MYO1H: variants seen among roughly 807,000 people sequenced by gnomAD.
MYO1H encodes the protein unconventional myosin-Ih.
A neutral mutation model predicts 149.3 loss-of-function variants in MYO1H; 118 were observed. That is an observed-to-expected ratio of 0.79 (90% CI 0.68 to 0.92). The LOEUF (loss-of-function observed/expected upper bound fraction) is 0.92. Ranked by LOEUF, MYO1H falls within the 40% of genes least tolerant of loss-of-function variation. MYO1H has a pLI of 0.00. For synonymous variants in MYO1H, 447 were observed against 465.2 expected (o/e 0.96, Z 0.50); for missense variants, 1,212 against 1,280.7 (o/e 0.95, Z 0.82).
chr12:109,315,915 C>T, the MYO1H span, among the ~76,000 whole-genome samples: 1 of 152,174 alleles, frequency 6.6e-6, no homozygotes, highest in Non-Finnish European at 1.5e-5. Flanking sequence ...CAACGAGGTG[C>T]TAAGTTCTAT....
chr12:109,319,350 A>G, the MYO1H span, among the ~76,000 whole-genome samples: 1 of 152,208 alleles, frequency 6.6e-6, no homozygotes, highest in East Asian at 1.9e-4. Context: ...GCATTATTCT[A>G]CTTATATGAG....
At chr12:109,378,632 A>G (rs924079736) in intron 1 of MYO1H, among the ~76,000 whole-genome samples, 1 of 152,168 alleles carries the variant, frequency 6.6e-6, no homozygotes, top group Non-Finnish European at 1.5e-5. Context: ...ACCATTTTAT[A>G]TTCCCACCAA....
At chr12:109,431,996 T>A (rs1232941488) in intron 19 of MYO1H, among the ~76,000 whole-genome samples, 14 of 68,172 alleles carry the variant, frequency 2.1e-4, no homozygotes, top group Middle Eastern at 0.013. Context: ...AAAAAAATTT[T>A]TTTTTTTTTT....
At position 109,406,786 on chromosome 12, in the gene MYO1H, C is replaced by T. The variant is rs1290059731; in HGVS notation, c.964-3C>T. 2 of 1,613,792 alleles carry T rather than the reference C, an allele frequency of 1.2e-6. No homozygotes were observed. Among genetic ancestry groups the T allele is most frequent in the Non-Finnish European group, 1.7e-6 (2 of 1,179,694 alleles). On this transcript the variant is annotated splice_region_variant and splice_polypyrimidine_tract_variant and intron_variant, in intron 8 of 31. Transcript: ENST00000310903. ...TAGCATTCTGGATTTCTTTTACATG[C>T]AGCTCCTGGGGGTCCACCCATCAGT... is the stretch of plus-strand genomic sequence containing the variant.
exon 17 of MYO1H, chr12:109,424,813 G>A (rs763814306): frequency 1.1e-5 from 18 of 1,613,706 alleles, no homozygotes; most frequent in Admixed American, 1.7e-5. Flanking sequence ...TAGAAAACCG[G>A]AGGAGGCCCC....
At position 109,411,780 on chromosome 12, in the gene MYO1H, A is replaced by G. The variant is rs1246689278; in HGVS notation, c.1411-114A>G. 5 of 682,922 alleles carry G rather than the reference A, an allele frequency of 7.3e-6. No homozygotes were observed. In the East Asian group the frequency reaches 9.2e-5, roughly 13 times the overall value. 42.3% of individuals were successfully genotyped at this position (682,922 alleles called of 1,614,324 possible). A position where few individuals can be genotyped will look rare whatever the true frequency, so the allele number is the denominator to read the frequency against. ...CCCCAGAATGTTCACCTGCACTTAC[A>G]TGAATTGACAGTCTTTTAGTCCAGT... On this transcript the variant is annotated intron_variant, in intron 13 of 31. Coordinates refer to ENST00000310903, the Ensembl canonical transcript of MYO1H.
intron 5 of MYO1H, among the ~76,000 whole-genome samples, chr12:109,398,642 C>T (rs952269161): frequency 1.1e-4 from 16 of 146,314 alleles, no homozygotes; most frequent in Non-Finnish European, 6.0e-5. Context: ...CCCAGCTACT[C>T]GGAAGGCTGA....
chr12:109,409,595 C>A (rs940491075), exon 11 of MYO1H: 2 of 1,613,660 alleles, frequency 1.2e-6, no homozygotes, highest in Non-Finnish European at 1.7e-6. Flanking sequence ...TACTGGACAT[C>A]TATGGGTTTG....
chr12:109,388,759 A>C lies in MYO1H; in HGVS notation c.89A>C (p.Gln30Pro). 2 of 1,613,208 alleles carry C rather than the reference A, an allele frequency of 1.2e-6. No individual in the cohort carries two copies. The highest frequency in any genetic ancestry group is 1.7e-6 in the Non-Finnish European group (2 of 1,179,330). The change falls in exon 2 of 32, where the codon CAG (glutamine) becomes CCG (proline). Residue 30 changes from glutamine to proline, a missense_variant. Transcript: ENST00000310903. The stretch of plus-strand genomic sequence containing the variant: ...ACTGCCCGGGACAAGGTCGGGGTTC[A>C]GGATTTTGTGCTATTGGACGCGTAC...
At chr12:109,425,039 G>C (rs1871306353) in intron 17 of MYO1H, among the ~76,000 whole-genome samples, 1 of 152,202 alleles carries the variant, frequency 6.6e-6, no homozygotes, top group South Asian at 2.1e-4. Flanking sequence ...GGAGGCCCAG[G>C]TGGGAGAATC....
chr12:109,342,198 G>A, the MYO1H span, among the ~76,000 whole-genome samples: 1 of 148,990 alleles, frequency 6.7e-6, no homozygotes, highest in African/African-American at 2.5e-5. Context: ...AGGCTGGAGT[G>A]CAGTGGCACT....
At chr12:109,339,834 T>C in the MYO1H span, among the ~76,000 whole-genome samples, 2 of 152,206 alleles carry the variant, frequency 1.3e-5, no homozygotes, top group Non-Finnish European at 2.9e-5. Context: ...AGCCAGAGTA[T>C]AGAAGACAAG....
chr12:109,391,869 C>T (rs778330338), intron 2 of MYO1H, among the ~76,000 whole-genome samples: 2 of 151,938 alleles, frequency 1.3e-5, no homozygotes, highest in African/African-American at 4.8e-5. Context: ...CTTCTTTTTG[C>T]GAAGTGTCTG....
Position 109,443,154 on chromosome 12 carries a change from G to GTGTGTATATATGTGTACGTA in MYO1H, c.2689-355_2689-354insATATATGTGTACGTATGTGT, listed in dbSNP as rs1566045046. On this transcript the variant is annotated intron_variant, in intron 27 of 31. Coordinates refer to ENST00000310903, the Ensembl canonical transcript of MYO1H. Reference sequence around the variant, plus strand: ...TATATGTGTGTATATGTGTACGTATGTGTGTGTATATGTGTACGTATGTGT... The same window carrying GTGTGTATATATGTGTACGTA: ...TATATGTGTGTATATGTGTACGTATGTGTGTATATATGTGTACGTATGTGTGTATATGTGTACGTATGTGT... Among the ~76,000 whole-genome samples, 444 of 52,352 alleles carry GTGTGTATATATGTGTACGTA rather than the reference G, an allele frequency of 8.5e-3. 182 individuals are homozygous for GTGTGTATATATGTGTACGTA. The highest frequency in any genetic ancestry group is 0.019 in the Middle Eastern group (2 of 106). The allele number at this position is 52,352 out of a possible 152,430, so 34.3% of individuals were successfully genotyped here.
chr12:109,406,715 T>C, intron 8 of MYO1H, 74 bp from the exon 9 acceptor site: 2 of 1,417,824 alleles, frequency 1.4e-6, no homozygotes, highest in Non-Finnish European at 2.0e-6. Flanking sequence ...AGCCATACCT[T>C]GTCTCTAAAA....
chr12:109,425,456 A>G (rs1871319712), intron 17 of MYO1H, among the ~76,000 whole-genome samples: 4 of 152,250 alleles, frequency 2.6e-5, no homozygotes, highest in Admixed American at 2.6e-4. Context: ...CCTACTATGT[A>G]TATGTGGCAG....
intron 10 of MYO1H, 96 bp from the exon 11 acceptor site, chr12:109,409,461 C>G: frequency 9.6e-7 from 1 of 1,045,458 alleles, no homozygotes; most frequent in Non-Finnish European, 1.5e-6. Flanking sequence ...GACATATGAG[C>G]TTTAGCGCCA....
intron 5 of MYO1H, 58 bp from the exon 6 acceptor site, chr12:109,401,035 G>T (rs916787839): frequency 1.5e-5 from 23 of 1,500,480 alleles, no homozygotes; most frequent in Non-Finnish European, 2.0e-5. Context: ...ATCAGGAGAT[G>T]CCAGGAAGAG....
the MYO1H span, among the ~76,000 whole-genome samples, chr12:109,329,701 A>T: frequency 3.9e-5 from 6 of 152,164 alleles, no homozygotes; most frequent in Non-Finnish European, 8.8e-5. Context: ...TTCAACTAAT[A>T]ATAATTAACC....
Sources: allele counts gnomAD v4.1 joint callset (sites outside exome capture counted in the v4.1 genomes callset), GRCh38; gene constraint gnomAD v4.1.1; transcripts MANE v1.5; gene names NCBI Gene and HGNC (gene_info 2026-07-23, HGNC 2026-07-21).